Variants in ANO6 observed in about 807,000 individuals in gnomAD.
The protein encoded by ANO6 is anoctamin-6.
ANO6 carries 106 observed loss-of-function variants against 117.5 expected under a neutral mutation model. That is an observed-to-expected ratio of 0.90 (90% CI 0.77 to 1.06). ANO6 has a LOEUF of 1.06. Among genes scored for constraint, ANO6 ranks in the 50% least tolerant of loss-of-function variants. The pLI is 0.00. For missense variants in ANO6, 955 were observed against 1,121.1 expected (o/e 0.85, Z 2.12); for synonymous variants, 367 against 385.1 (o/e 0.95, Z 0.55).
intron 2 of ANO6, among the ~76,000 whole-genome samples, chr12:45,318,783 G>A (rs375125203): frequency 2.0e-5 from 3 of 152,070 alleles, no homozygotes; most frequent in Non-Finnish European, 4.4e-5. Flanking sequence ...ATTTGTTTGT[G>A]TCCTCTTTTA....
At chr12:45,427,658 G>C (rs775883677) in intron 19 of ANO6, among the ~76,000 whole-genome samples, 7 of 151,682 alleles carry the variant, frequency 4.6e-5, no homozygotes, top group Non-Finnish European at 1.0e-4. Context: ...AAATGAAAAG[G>C]TGTTTAACCT....
chr12:45,274,044 G>T (rs1050840851), intron 1 of ANO6, among the ~76,000 whole-genome samples: 14 of 152,134 alleles, frequency 9.2e-5, no homozygotes, highest in African/African-American at 3.4e-4. Context: ...ACTTTATCTT[G>T]ATTCTGCTCA....
intron 1 of ANO6, among the ~76,000 whole-genome samples, chr12:45,275,120 G>C (rs1256928941): frequency 6.6e-6 from 1 of 152,000 alleles, no homozygotes; most frequent in Middle Eastern, 3.2e-3. Context: ...GAATCCCTGT[G>C]TTAAAAATAC....
intron 1 of ANO6, among the ~76,000 whole-genome samples, chr12:45,267,846 A>G (rs1938270438): frequency 6.6e-6 from 1 of 152,162 alleles, no homozygotes; most frequent in South Asian, 2.1e-4. Context: ...TAGCATAAAG[A>G]AGAAACCGGA....
chr12:45,433,767 G>A (rs1943676391), downstream of ANO6, among the ~76,000 whole-genome samples: 1 of 152,208 alleles, frequency 6.6e-6, no homozygotes, highest in African/African-American at 2.4e-5. Context: ...GCATTCCTGA[G>A]GGGAGAAGGA....
At chr12:45,246,912 G>T (rs1947834138) in intron 1 of ANO6, among the ~76,000 whole-genome samples, 1 of 151,288 alleles carries the variant, frequency 6.6e-6, no homozygotes, top group African/African-American at 2.4e-5. Context: ...TTACAGTTGT[G>T]TGCCACCACG....
intron 12 of ANO6, among the ~76,000 whole-genome samples, chr12:45,400,979 C>G (rs60151261): frequency 6.6e-6 from 1 of 152,156 alleles, no homozygotes; most frequent in Non-Finnish European, 1.5e-5. Flanking sequence ...TAATGTGCGT[C>G]GTTGAGTGGT....
At chr12:45,304,410 C>T (rs1253008589) in intron 2 of ANO6, among the ~76,000 whole-genome samples, 2 of 152,018 alleles carry the variant, frequency 1.3e-5, no homozygotes, top group Non-Finnish European at 2.9e-5. Context: ...ACAGTACAAA[C>T]CTGAGAGCAG....
At chr12:45,219,741 T>A (rs1312219493) in intron 1 of ANO6, among the ~76,000 whole-genome samples, 1 of 152,218 alleles carries the variant, frequency 6.6e-6, no homozygotes, top group East Asian at 1.9e-4. Context: ...TTTCCTTGTT[T>A]GTTTAAGTTA....
chr12:45,229,055 G>A (rs1225070608), intron 1 of ANO6, among the ~76,000 whole-genome samples: 1 of 152,164 alleles, frequency 6.6e-6, no homozygotes, highest in Non-Finnish European at 1.5e-5. Context: ...AGCTAAGTGT[G>A]GGTATTACAG....
intron 15 of ANO6, 87 bp from the exon 16 acceptor site, chr12:45,409,270 T>C (rs1943024466): frequency 6.6e-7 from 1 of 1,512,098 alleles, no homozygotes; most frequent in South Asian, 1.1e-5. Flanking sequence ...GAAGATTACT[T>C]GTGCAGCTTT....
chr12:45,376,021 C>G (rs1376408061), intron 9 of ANO6, among the ~76,000 whole-genome samples: 4 of 150,446 alleles, frequency 2.7e-5, no homozygotes, highest in African/African-American at 9.7e-5. Context: ...AAAAAACAAC[C>G]CCATCAAAAA....
At chr12:45,347,240 A>C (rs1327195047) in intron 4 of ANO6, 153 bp downstream of exon 4, 20 of 701,424 alleles carry the variant, frequency 2.9e-5, no homozygotes, top group Non-Finnish European at 4.7e-5. Flanking sequence ...TGCATTGTGT[A>C]GGATGTATTC....
chr12:45,381,424 A>G (rs528748389), intron 10 of ANO6, among the ~76,000 whole-genome samples: 6 of 152,262 alleles, frequency 3.9e-5, no homozygotes, highest in African/African-American at 1.2e-4. Flanking sequence ...GGAGAGAGCA[A>G]AAGATACGGA....
intron 8 of ANO6, among the ~76,000 whole-genome samples, chr12:45,358,469 C>A (rs573217364): frequency 6.7e-6 from 1 of 150,058 alleles, no homozygotes; most frequent in African/African-American, 2.4e-5. Context: ...GTACATTGTT[C>A]TAGTTTAAAA....
rs1369837553 is a variant in ANO6, at chr12:45,430,552, A to C, written c.*1241A>C. On this transcript the variant is annotated 3_prime_UTR_variant, in exon 20 of 20. Coordinates refer to ENST00000320560, the MANE Select transcript of ANO6 (RefSeq NM_001025356.3). Reference sequence around the variant, plus strand: ...ACTGTCTGATTGTACTAGAGACAGGAGTATACCCAGCTTATTCATAATCAA... The same window carrying C: ...ACTGTCTGATTGTACTAGAGACAGGCGTATACCCAGCTTATTCATAATCAA... The C allele has an allele frequency of 1.0e-6, 1 of 985,302 alleles. No homozygotes were observed. Among genetic ancestry groups the C allele is most frequent in the African/African-American group, 1.7e-5 (1 of 57,228 alleles). The allele number at this position is 985,302 out of a possible 1,614,324, so 61.0% of individuals were successfully genotyped here. A position where few individuals can be genotyped will look rare whatever the true frequency, so the allele number is the denominator to read the frequency against.
chr12:45,257,993 TG>T (rs1196215154), intron 1 of ANO6, among the ~76,000 whole-genome samples: 2 of 152,176 alleles, frequency 1.3e-5, no homozygotes. Context: ...GCGATTTTTC[TG>T]AGAAAATTGG....
chr12:45,336,862 C>G (rs1390038136), intron 3 of ANO6, among the ~76,000 whole-genome samples: 1 of 152,002 alleles, frequency 6.6e-6, no homozygotes, highest in Non-Finnish European at 1.5e-5. Context: ...AAAGAAGGCA[C>G]TGTTATCACA....
At chr12:45,384,071 T>A (rs4583038) in intron 10 of ANO6, among the ~76,000 whole-genome samples, 12,128 of 152,262 alleles carry the variant, frequency 0.08, 770 homozygotes, top group African/African-American at 0.17. Context: ...TTGCTGCCAG[T>A]TAGCACTTGC....
Sources: allele counts gnomAD v4.1 joint callset (sites outside exome capture counted in the v4.1 genomes callset), GRCh38; gene constraint gnomAD v4.1.1; transcripts MANE v1.5; gene names NCBI Gene and HGNC (gene_info 2026-07-23, HGNC 2026-07-21).